Variants in MLLT3 observed in about 807,000 individuals in gnomAD.
The protein encoded by MLLT3 is protein AF-9.
MLLT3 carries 4 observed loss-of-function variants against 53.2 expected under a neutral mutation model. The observed-to-expected ratio is 0.08, with a 90% confidence interval of 0.04 to 0.17. The LOEUF is 0.17. MLLT3 is among the 10% of genes least tolerant of loss of function. The pLI, the probability that MLLT3 is intolerant of heterozygous loss-of-function variation, is 1.00. For missense variants in MLLT3, 569 were observed against 684.0 expected (o/e 0.83, Z 1.87); for synonymous variants, 283 against 230.6 (o/e 1.23, Z -2.06).
intron 2 of MLLT3, among the ~76,000 whole-genome samples, chr9:20,603,198 T>C (rs1168434638): frequency 6.6e-6 from 1 of 152,076 alleles, no homozygotes; most frequent in Non-Finnish European, 1.5e-5. Flanking sequence ...CTTGGACATA[T>C]TTATCCAAAG....
intron 4 of MLLT3, among the ~76,000 whole-genome samples, chr9:20,430,961 T>C (rs775877628): frequency 2.6e-5 from 4 of 152,152 alleles, no homozygotes; most frequent in East Asian, 3.8e-4. Flanking sequence ...CAATGAAATA[T>C]ATGTTCAGCT....
At chr9:20,615,396 A>AAAAAAAG (rs1820807856) in intron 2 of MLLT3, among the ~76,000 whole-genome samples, 2 of 135,626 alleles carry the variant, frequency 1.5e-5, no homozygotes, top group Admixed American at 7.6e-5. Context: ...AAAAAAAAAA[A>AAAAAAAG]GAATGGATAG....
intron 2 of MLLT3, among the ~76,000 whole-genome samples, chr9:20,494,547 A>C (rs1386165777): frequency 6.6e-6 from 1 of 152,192 alleles, no homozygotes; most frequent in African/African-American, 2.4e-5. Context: ...AATATAATCT[A>C]ATTGCCTGAA....
At chr9:20,543,679 A>AGAG (rs1269218524) in intron 2 of MLLT3, among the ~76,000 whole-genome samples, 1 of 151,288 alleles carries the variant, frequency 6.6e-6, no homozygotes, top group Non-Finnish European at 1.5e-5. Flanking sequence ...GAGAAGGAGA[A>AGAG]GAGGAGGAGG....
chr9:20,548,205 G>A (rs1818839806), intron 2 of MLLT3, among the ~76,000 whole-genome samples: 2 of 152,172 alleles, frequency 1.3e-5, no homozygotes, highest in Non-Finnish European at 2.9e-5. Context: ...CACATTTCAA[G>A]TACTCAACAG....
At chr9:20,460,263 G>C (rs1428282870) in intron 2 of MLLT3, among the ~76,000 whole-genome samples, 1 of 152,120 alleles carries the variant, frequency 6.6e-6, no homozygotes, top group Non-Finnish European at 1.5e-5. Flanking sequence ...CCTCTTGATT[G>C]TTCAAGAATC....
intron 5 of MLLT3, among the ~76,000 whole-genome samples, chr9:20,405,833 C>T (rs932771384): frequency 2.6e-5 from 4 of 151,956 alleles, no homozygotes; most frequent in Admixed American, 6.6e-5. Context: ...GCCTTCTGGC[C>T]GGGTGTGGTG....
intron 2 of MLLT3, among the ~76,000 whole-genome samples, chr9:20,493,187 C>G (rs1403418282): frequency 1.3e-5 from 2 of 151,930 alleles, no homozygotes; most frequent in Non-Finnish European, 1.5e-5. Context: ...CTTCAAGTGT[C>G]TTCCTACTCT....
intron 4 of MLLT3, among the ~76,000 whole-genome samples, chr9:20,429,847 T>C (rs1027794111): frequency 1.3e-5 from 2 of 152,168 alleles, no homozygotes; most frequent in South Asian, 2.1e-4. Context: ...ACCTTCTAAA[T>C]AGCAAATTAT....
rs114712253 is a variant in MLLT3, at chr9:20,504,957, G to A, written c.194-48171C>T. On this transcript the variant is annotated intron_variant, in intron 2 of 10. Coordinates refer to ENST00000380338, the MANE Select transcript of MLLT3 (RefSeq NM_004529.4). ...TCCACAATGAGAAAAATGGTTTGAC[G>A]GAAAGGAGCCCAAAAGTAGGAAAAA... 5.0e-3 allele frequency among the ~76,000 whole-genome samples: 753 copies of A among 152,028 alleles called. 4 individuals carry two copies. Among genetic ancestry groups the A allele is most frequent in the African/African-American group, 0.016 (664 of 41,456 alleles).
chr9:20,537,667 A>G (rs1818522239), intron 2 of MLLT3, among the ~76,000 whole-genome samples: 1 of 152,212 alleles, frequency 6.6e-6, no homozygotes, highest in Non-Finnish European at 1.5e-5. Flanking sequence ...GATATAAAGC[A>G]ATGCAAGCTA....
intron 5 of MLLT3, among the ~76,000 whole-genome samples, chr9:20,397,169 T>A (rs970434008): frequency 3.3e-5 from 5 of 152,152 alleles, no homozygotes; most frequent in African/African-American, 1.2e-4. Context: ...GTCTGATAAT[T>A]TTTTCTGCCT....
At chr9:20,476,266 T>C (rs1362755685) in intron 2 of MLLT3, among the ~76,000 whole-genome samples, 1 of 152,136 alleles carries the variant, frequency 6.6e-6, no homozygotes, top group African/African-American at 2.4e-5. Context: ...TTGTGCCATC[T>C]TCCTACAAGA....
At chr9:20,439,459 A>T (rs887711696) in intron 4 of MLLT3, among the ~76,000 whole-genome samples, 2 of 151,864 alleles carry the variant, frequency 1.3e-5, no homozygotes, top group Non-Finnish European at 2.9e-5. Context: ...AAGCTAGTAC[A>T]TCATACTTCT....
At chr9:20,509,326 G>A (rs898861519) in intron 2 of MLLT3, among the ~76,000 whole-genome samples, 2 of 152,100 alleles carry the variant, frequency 1.3e-5, no homozygotes, top group African/African-American at 4.8e-5. Flanking sequence ...AATATGTACT[G>A]AAAGGTATAT....
chr9:20,403,117 T>TAA (rs556658324), intron 5 of MLLT3, among the ~76,000 whole-genome samples: 64 of 144,066 alleles, frequency 4.4e-4, no homozygotes, highest in African/African-American at 1.5e-3. Context: ...GGCCCCCTTT[T>TAA]AAAAAAAAAA....
intron 2 of MLLT3, among the ~76,000 whole-genome samples, chr9:20,486,750 C>T (rs1444357355): frequency 6.6e-6 from 1 of 152,158 alleles, no homozygotes; most frequent in Non-Finnish European, 1.5e-5. Context: ...GTCAGACAGA[C>T]CTACTCTGCA....
At chr9:20,535,892 C>A (rs1314948136) in intron 2 of MLLT3, among the ~76,000 whole-genome samples, 2 of 151,958 alleles carry the variant, frequency 1.3e-5, no homozygotes, top group African/African-American at 4.8e-5. Flanking sequence ...TAAATTAGAC[C>A]CAATGAGGTT....
At chr9:20,421,276 AAAAT>A (rs1823001780) in intron 4 of MLLT3, among the ~76,000 whole-genome samples, 1 of 152,136 alleles carries the variant, frequency 6.6e-6, no homozygotes, top group Admixed American at 6.5e-5. Flanking sequence ...ATAAATAAAT[AAAAT>A]AAATAAATTA....
Sources: gnomAD v4.1 joint callset for allele counts (sites outside exome capture counted in the v4.1 genomes callset) on GRCh38, gnomAD v4.1.1 for gene constraint, MANE v1.5 for transcripts, NCBI Gene and HGNC (gene_info 2026-07-23, HGNC 2026-07-21) for gene names.